Variants in TOX observed in about 807,000 individuals in gnomAD.
TOX encodes thymocyte selection-associated high mobility group box protein TOX.
Under a neutral mutation model 53.7 loss-of-function variants are expected in TOX, and 11 were observed. That is an observed-to-expected ratio of 0.20 (90% confidence interval 0.13 to 0.34). TOX has a LOEUF of 0.34. TOX is among the 10% of genes least tolerant of loss of function. The pLI, the probability that TOX is intolerant of heterozygous loss-of-function variation, is 1.00. For synonymous variants in TOX, 225 were observed against 245.3 expected (o/e 0.92, Z 0.77); for missense variants, 570 against 664.6 (o/e 0.86, Z 1.56).
intron 2 of TOX, among the ~76,000 whole-genome samples, chr8:58,947,922 G>A (rs1812550568): frequency 1.3e-5 from 2 of 152,214 alleles, no homozygotes; most frequent in South Asian, 4.1e-4. Flanking sequence ...TCAACAGCAA[G>A]GTCAGGCCTT....
chr8:59,110,685 T>A (rs560214529), intron 1 of TOX, among the ~76,000 whole-genome samples: 1 of 151,914 alleles, frequency 6.6e-6, no homozygotes, highest in South Asian at 2.1e-4. Flanking sequence ...CATAATAGCA[T>A]CTCTCCTTAG....
chr8:58,837,972 A>T (rs758488991), intron 5 of TOX, 109 bp downstream of exon 5: 1 of 979,020 alleles, frequency 1.0e-6, no homozygotes, highest in Non-Finnish European at 1.5e-6. Context: ...ACACCTTCTC[A>T]GCGTCTGTTC....
intron 3 of TOX, among the ~76,000 whole-genome samples, chr8:58,875,885 C>T (rs760031232): frequency 5.9e-5 from 9 of 152,154 alleles, no homozygotes; most frequent in Non-Finnish European, 1.2e-4. Context: ...ACTGTATCTT[C>T]AGGGTATGTG....
chr8:59,099,956 T>C (rs1804777124), intron 1 of TOX, among the ~76,000 whole-genome samples: 1 of 152,194 alleles, frequency 6.6e-6, no homozygotes, highest in Non-Finnish European at 1.5e-5. Flanking sequence ...GATTTTGTCA[T>C]TAAATGTAAA....
At chr8:59,000,240 A>G (rs1585954340) in intron 1 of TOX, among the ~76,000 whole-genome samples, 1 of 152,328 alleles carries the variant, frequency 6.6e-6, no homozygotes, top group Admixed American at 6.5e-5. Flanking sequence ...TATAAAATAA[A>G]GCTTAATCAA....
At chr8:58,827,090 A>G (rs922040058) in intron 5 of TOX, among the ~76,000 whole-genome samples, 188 bp from the exon 6 acceptor site, 2 of 152,050 alleles carry the variant, frequency 1.3e-5, no homozygotes, top group African/African-American at 4.8e-5. Flanking sequence ...ATAGACTAGA[A>G]AAGAAAAAAA....
At chr8:58,864,051 C>T (rs899517817) in intron 3 of TOX, among the ~76,000 whole-genome samples, 1 of 152,070 alleles carries the variant, frequency 6.6e-6, no homozygotes, top group Non-Finnish European at 1.5e-5. Flanking sequence ...ACAGCAGACA[C>T]ACCATCTAAT....
chr8:59,019,010 C>T (rs1814069993), intron 1 of TOX, among the ~76,000 whole-genome samples: 1 of 152,052 alleles, frequency 6.6e-6, no homozygotes, highest in African/African-American at 2.4e-5. Flanking sequence ...TGGGTAATCA[C>T]TATTGTTATC....
intron 4 of TOX, among the ~76,000 whole-genome samples, chr8:58,850,077 T>C (rs117644709): frequency 0.017 from 2,591 of 152,332 alleles, 35 homozygotes; most frequent in Non-Finnish European, 0.026. Context: ...AGTTTCTTCC[T>C]GCCTTTTCAC....
At chr8:58,818,053 G>A (rs1218059681) in intron 6 of TOX, among the ~76,000 whole-genome samples, 2 of 152,140 alleles carry the variant, frequency 1.3e-5, no homozygotes, top group Non-Finnish European at 2.9e-5. Context: ...TGGAATAGAT[G>A]TACAGATTTA....
chr8:58,981,459 ACT>A (rs1813204693), intron 1 of TOX, among the ~76,000 whole-genome samples: 1 of 151,642 alleles, frequency 6.6e-6, no homozygotes. Context: ...GGGAAGTCCC[ACT>A]CTCTCACTTT....
At chr8:58,993,219 A>G (rs1813489652) in intron 1 of TOX, among the ~76,000 whole-genome samples, 1 of 152,250 alleles carries the variant, frequency 6.6e-6, no homozygotes, top group Non-Finnish European at 1.5e-5. Flanking sequence ...AGAGAGGTCT[A>G]AAGTCATTGT....
rs1190063718 is a variant in TOX at position 58,939,265 on chromosome 8, C to T, written c.411+37G>A. 3.1e-6 allele frequency: 5 copies of T among 1,610,412 alleles called. No homozygotes were observed. In the Admixed American group the frequency reaches 8.3e-5, roughly 27 times the overall value. ...CTTGGTCCTTGTCCTTATGGTATCC[C>T]TCAGCCCCCACCACAAACAGGTAAG... On this transcript the variant is annotated intron_variant, in intron 3 of 8. Transcript: ENST00000361421.
chr8:59,045,258 T>TA (rs1194681023), intron 1 of TOX, among the ~76,000 whole-genome samples: 4 of 152,354 alleles, frequency 2.6e-5, no homozygotes, highest in Admixed American at 6.5e-5. Context: ...GAGCTATATT[T>TA]AGAAGCAACT....
At chr8:59,087,294 TG>T (rs1314603556) in intron 1 of TOX, among the ~76,000 whole-genome samples, 1 of 152,222 alleles carries the variant, frequency 6.6e-6, no homozygotes, top group Non-Finnish European at 1.5e-5. Context: ...TAAAGGCATT[TG>T]CTTAGCCTTT....
rs10086629 is a variant in TOX at position 59,089,591 on chromosome 8, C to T, written c.102+29295G>A. ...GCTGACTTAATCCAAACCATTCAGC[C>T]AGAAGTTTTGTTTTTCTGAGACAAG... On this transcript the variant is annotated intron_variant, in intron 1 of 8. Transcript: ENST00000361421. Among the ~76,000 whole-genome samples the T allele has an allele frequency of 9.7e-3, 1,471 of 152,252 alleles. 22 individuals carry two copies. The highest frequency in any genetic ancestry group is 0.033 in the African/African-American group (1,374 of 41,528).
At chr8:59,044,552 T>G (rs954082623) in intron 1 of TOX, among the ~76,000 whole-genome samples, 1 of 152,306 alleles carries the variant, frequency 6.6e-6, no homozygotes, top group African/African-American at 2.4e-5. Flanking sequence ...TCAGAGAGTT[T>G]TCTGTAAAAG....
intron 3 of TOX, among the ~76,000 whole-genome samples, chr8:58,882,736 C>T (rs1429760266): frequency 6.6e-6 from 1 of 152,202 alleles, no homozygotes; most frequent in Non-Finnish European, 1.5e-5. Flanking sequence ...AGTCAACTAC[C>T]ATCACTGAAA....
At chr8:58,922,357 G>A (rs749824941) in intron 3 of TOX, among the ~76,000 whole-genome samples, 30 of 152,164 alleles carry the variant, frequency 2.0e-4, no homozygotes, top group Admixed American at 3.3e-4. Flanking sequence ...TAGTGTTTGC[G>A]TGTATATATT....
Sources: allele counts gnomAD v4.1 joint callset (sites outside exome capture counted in the v4.1 genomes callset), GRCh38; gene constraint gnomAD v4.1.1; transcripts MANE v1.5; gene names NCBI Gene and HGNC (gene_info 2026-07-23, HGNC 2026-07-21).